NEK10: variants seen among roughly 807,000 people sequenced by gnomAD.
NEK10 encodes the protein NIMA related kinase 10.
NEK10 carries 122 observed loss-of-function variants against 159.8 expected under a neutral mutation model. The observed-to-expected ratio is 0.76, with a 90% CI of 0.66 to 0.89. The LOEUF (loss-of-function observed/expected upper bound fraction) is 0.89, where lower values mean the gene tolerates loss of function less well. NEK10 is among the 40% of genes least tolerant of loss of function. The pLI is 0.00. For synonymous variants in NEK10, 466 were observed against 457.1 expected (o/e 1.02, Z -0.25); for missense variants, 1,342 against 1,323.1 (o/e 1.01, Z -0.22).
intron 31 of NEK10, among the ~76,000 whole-genome samples, chr3:27,138,646 T>C (rs539165193): frequency 2.0e-5 from 3 of 152,334 alleles, no homozygotes; most frequent in East Asian, 1.9e-4. Flanking sequence ...CTGATACAGA[T>C]ACAGGTTTTA....
intron 30 of NEK10, among the ~76,000 whole-genome samples, chr3:27,142,563 A>G (rs865922842): frequency 3.3e-5 from 5 of 152,104 alleles, no homozygotes; most frequent in African/African-American, 1.2e-4. Flanking sequence ...CCTTCACACA[A>G]CATTGAGCTA....
At chr3:27,217,144 T>C (rs1951620590) in intron 23 of NEK10, among the ~76,000 whole-genome samples, 1 of 152,182 alleles carries the variant, frequency 6.6e-6, no homozygotes. Flanking sequence ...AATTCCTATC[T>C]AAGGCATCTG....
chr3:27,184,805 T>C (rs1453610581), intron 26 of NEK10, among the ~76,000 whole-genome samples: 1 of 152,210 alleles, frequency 6.6e-6, no homozygotes, highest in East Asian at 1.9e-4. Context: ...AATATTGTCC[T>C]TTAAAAATAC....
At chr3:27,158,741 T>C (rs1483699041) in intron 30 of NEK10, among the ~76,000 whole-genome samples, 1 of 152,166 alleles carries the variant, frequency 6.6e-6, no homozygotes, top group East Asian at 1.9e-4. Context: ...AGATTTTTAG[T>C]TGACATTATA....
intron 26 of NEK10, among the ~76,000 whole-genome samples, chr3:27,188,536 A>C (rs1948827100): frequency 6.6e-6 from 1 of 152,210 alleles, no homozygotes; most frequent in Admixed American, 6.5e-5. Flanking sequence ...ACTAGTAAAA[A>C]GAAATCATCA....
At chr3:27,290,782 C>A in intron 18 of NEK10, 28 bp from the exon 19 acceptor site, 2 of 1,557,272 alleles carry the variant, frequency 1.3e-6, no homozygotes, top group Non-Finnish European at 1.7e-6. Flanking sequence ...ACAACAACAA[C>A]AAAAGGAACA....
Position 27,262,376 on chromosome 3 carries a change from C to A in NEK10, c.2015-6005G>T, listed in dbSNP as rs987239073. Among the ~76,000 whole-genome samples the A allele has an allele frequency of 8.5e-5, 13 of 152,250 alleles. No homozygotes were observed. In the South Asian group the frequency reaches 2.7e-3, roughly 32 times the overall value. Reference sequence around the variant, plus strand: ...TGTATTTCCTGAATTTAAATGTTGGCCTGCCTTGCTAGATTGGGGAAGTAC... The same window carrying A: ...TGTATTTCCTGAATTTAAATGTTGGACTGCCTTGCTAGATTGGGGAAGTAC... On this transcript the variant is annotated intron_variant, in intron 22 of 35. Transcript: ENST00000691995.
chr3:27,122,987 A>AT (rs1941511161), intron 32 of NEK10, among the ~76,000 whole-genome samples: 3 of 152,188 alleles, frequency 2.0e-5, no homozygotes, highest in Non-Finnish European at 4.4e-5. Context: ...ACTAAAATTC[A>AT]TTTTTTGACG....
chr3:27,204,301 G>T (rs968127663), intron 23 of NEK10, among the ~76,000 whole-genome samples: 5,120 of 64,022 alleles, frequency 0.08, 4 homozygotes, highest in Middle Eastern at 0.17. Flanking sequence ...TTTTGTTGTT[G>T]TTTTTTTTTT....
At chr3:27,172,430 T>A (rs1356782059) in intron 28 of NEK10, among the ~76,000 whole-genome samples, 1 of 148,592 alleles carries the variant, frequency 6.7e-6, no homozygotes, top group Non-Finnish European at 1.5e-5. Context: ...GATCCAGCAA[T>A]CCCACTACTG....
intron 5 of NEK10, among the ~76,000 whole-genome samples, chr3:27,327,934 T>TAA (rs34833708): frequency 6.4e-4 from 94 of 147,076 alleles, no homozygotes; most frequent in African/African-American, 2.2e-3. Context: ...ATGCAAAACT[T>TAA]AAAAAAAAAA....
At chr3:27,233,941 C>A (rs1184688717) in intron 23 of NEK10, among the ~76,000 whole-genome samples, 1 of 152,052 alleles carries the variant, frequency 6.6e-6, no homozygotes. Context: ...AGGCTTCATT[C>A]CTGGAATGCA....
intron 16 of NEK10, among the ~76,000 whole-genome samples, chr3:27,292,351 G>C (rs1224047921): frequency 6.6e-6 from 1 of 152,042 alleles, no homozygotes; most frequent in Non-Finnish European, 1.5e-5. Flanking sequence ...ATTTAACTCA[G>C]ATTTTAGTAA....
At chr3:27,114,481 G>C (rs1940081115) in intron 35 of NEK10, among the ~76,000 whole-genome samples, 1 of 152,110 alleles carries the variant, frequency 6.6e-6, no homozygotes, top group South Asian at 2.1e-4. Context: ...CTGTTATCAA[G>C]TCAAAAGAGC....
intron 30 of NEK10, among the ~76,000 whole-genome samples, chr3:27,152,219 A>G (rs1299873686): frequency 6.6e-6 from 1 of 152,296 alleles, no homozygotes; most frequent in East Asian, 1.9e-4. Flanking sequence ...AGATGAAGGA[A>G]AGAATCTTAA....
chr3:27,365,619 T>TTTTTTTTTG (rs2049019503), intron 1 of NEK10, among the ~76,000 whole-genome samples: 3 of 137,828 alleles, frequency 2.2e-5, no homozygotes, highest in Admixed American at 7.3e-5. Flanking sequence ...TGTTTTTTTT[T>TTTTTTTTTG]TTTTTTTTTT....
chr3:27,246,342 G>T (rs904545178), intron 23 of NEK10, among the ~76,000 whole-genome samples: 1 of 151,988 alleles, frequency 6.6e-6, no homozygotes, highest in Non-Finnish European at 1.5e-5. Context: ...TACTCAATAG[G>T]TATTTTTTCT....
intron 30 of NEK10, among the ~76,000 whole-genome samples, chr3:27,156,378 G>A (rs12495041): frequency 0.36 from 55,172 of 151,862 alleles, 12,235 homozygotes; most frequent in East Asian, 0.75. Context: ...CACAGAGTGG[G>A]AGAAAATCTT....
intron 30 of NEK10, among the ~76,000 whole-genome samples, chr3:27,148,905 A>G (rs1169232021): frequency 6.6e-6 from 1 of 152,090 alleles, no homozygotes; most frequent in Non-Finnish European, 1.5e-5. Flanking sequence ...TGAGATGAGT[A>G]TCCATTTGAA....
Sources: allele counts gnomAD v4.1 joint callset (sites outside exome capture counted in the v4.1 genomes callset), GRCh38; gene constraint gnomAD v4.1.1; transcripts MANE v1.5; gene names NCBI Gene and HGNC (gene_info 2026-07-23, HGNC 2026-07-21).